CREB1: variants seen among roughly 807,000 people sequenced by gnomAD.
CREB1 encodes the protein cAMP responsive element binding protein 1, also known as cyclic AMP-responsive element-binding protein 1.
CREB1 carries 2 observed loss-of-function variants against 42.0 expected under a neutral mutation model. The observed-to-expected ratio is 0.05, with a 90% confidence interval of 0.02 to 0.15. CREB1 has a LOEUF of 0.15. Ranked by LOEUF, CREB1 falls within the 10% of genes least tolerant of loss-of-function variation. The probability of loss-of-function intolerance (pLI) is 1.00; values close to 1 mark genes in which losing one functional copy is unlikely to be tolerated. For missense variants in CREB1, 199 were observed against 388.9 expected, an observed-to-expected ratio of 0.51 and a Z score of 4.11; for synonymous variants, 123 against 139.9, an observed-to-expected ratio of 0.88 and a Z score of 0.85.
chr2:207,601,459 T>C lies in CREB1; in HGVS notation c.*4401T>C, dbSNP rs2087037959. On this transcript the variant is annotated 3_prime_UTR_variant, in exon 8 of 8. Transcript: ENST00000353267. Reference sequence around the variant, plus strand: ...AAAACATCAGGAAATTAGATATGACTAGCCCAGTTAATTAAAAGACGGGCT... The same window carrying C: ...AAAACATCAGGAAATTAGATATGACCAGCCCAGTTAATTAAAAGACGGGCT... 1 of 191,624 alleles carries C rather than the reference T, an allele frequency of 5.2e-6. No homozygotes were observed. Among genetic ancestry groups the C allele is most frequent in the African/African-American group, 2.3e-5 (1 of 43,192 alleles). The allele number at this position is 191,624 out of a possible 1,614,324, so 11.9% of individuals were successfully genotyped here. A position where few individuals can be genotyped will look rare whatever the true frequency, so the allele number is the denominator to read the frequency against.
At chr2:207,540,363 G>C (rs1038433763) in intron 1 of CREB1, among the ~76,000 whole-genome samples, 12 of 151,984 alleles carry the variant, frequency 7.9e-5, no homozygotes, top group African/African-American at 2.9e-4. Flanking sequence ...AAAAGTGGCC[G>C]GGAATGGTGG....
chr2:207,550,121 A>G (rs1228875442), intron 1 of CREB1: 6 of 152,212 alleles, frequency 3.9e-5, no homozygotes, highest in African/African-American at 1.4e-4. Flanking sequence ...ATTTTTAGTT[A>G]ACATATCTGA....
At chr2:207,540,451 G>A (rs1205765950) in intron 1 of CREB1, among the ~76,000 whole-genome samples, 1 of 151,904 alleles carries the variant, frequency 6.6e-6, no homozygotes, top group African/African-American at 2.4e-5. Context: ...AGCAGCCTGG[G>A]CAAAATGGCG....
chr2:207,567,425 A>T, intron 3 of CREB1, 38 bp from the exon 4 acceptor site: 1 of 1,459,646 alleles, frequency 6.9e-7, no homozygotes, highest in Non-Finnish European at 9.5e-7. Context: ...ACAGGAACTA[A>T]ATTTGATTAT....
At chr2:207,573,329 G>T (rs1220622328) in intron 5 of CREB1, among the ~76,000 whole-genome samples, 3 of 152,212 alleles carry the variant, frequency 2.0e-5, no homozygotes, top group Non-Finnish European at 2.9e-5. Context: ...TTAGACTTCA[G>T]TTTCCAAAGT....
At chr2:207,564,965 T>A (rs1339212450) in intron 3 of CREB1, among the ~76,000 whole-genome samples, 1 of 152,150 alleles carries the variant, frequency 6.6e-6, no homozygotes, top group East Asian at 1.9e-4. Flanking sequence ...TCATATGATG[T>A]TTTTATTCTG....
rs183483414 is a variant in CREB1, at chr2:207,558,689, G to A, written c.115-1537G>A. 1.4e-3 allele frequency among the ~76,000 whole-genome samples: 210 copies of A among 148,454 alleles called. 1 individual carries two copies. The highest frequency in any genetic ancestry group is 4.9e-3 in the African/African-American group (197 of 40,100). ...GATGGAGTTTTGTTCTTATTGCCCA[G>A]GCTGGAGTGCAATGGCGCGATCTCG... On this transcript the variant is annotated intron_variant, in intron 2 of 7. Transcript: ENST00000353267.
chr2:207,584,376 T>G (rs760870510), intron 7 of CREB1, among the ~76,000 whole-genome samples: 2 of 152,200 alleles, frequency 1.3e-5, no homozygotes, highest in Non-Finnish European at 2.9e-5. Flanking sequence ...ATGGATATCT[T>G]ATGGTTTTAA....
intron 6 of CREB1, 141 bp from the exon 7 acceptor site, chr2:207,577,360 ATTCT>A: frequency 8.4e-7 from 1 of 1,188,138 alleles, no homozygotes; most frequent in South Asian, 1.6e-5. Context: ...AAGAGTGCTG[ATTCT>A]TTCAACGCTT....
chr2:207,555,921 T>C (rs1432104062), intron 2 of CREB1, among the ~76,000 whole-genome samples, 172 bp downstream of exon 2: 2 of 152,194 alleles, frequency 1.3e-5, no homozygotes, highest in Non-Finnish European at 2.9e-5. Context: ...ATAGTATTAA[T>C]TCAATAACAG....
chr2:207,585,779 C>G (rs1478043426), intron 7 of CREB1, among the ~76,000 whole-genome samples: 1 of 151,972 alleles, frequency 6.6e-6, no homozygotes, highest in Non-Finnish European at 1.5e-5. Context: ...AAAAAACAGT[C>G]GAGCAGAAAG....
rs751128285 is a variant in CREB1 at position 207,577,686 on chromosome 2, T to G, written c.839+31T>G. The G allele has an allele frequency of 2.5e-6, 4 of 1,610,166 alleles. No homozygotes were observed. In the East Asian group the frequency reaches 6.7e-5, roughly 27 times the overall value. ...AATACTGCATTTACTTAGATTGTTA[T>G]GTGTTAAGTGTGTCTTCACATTCTG... On this transcript the variant is annotated intron_variant, in intron 7 of 7. Coordinates refer to ENST00000353267, the MANE Select transcript of CREB1 (RefSeq NM_004379.5).
At chr2:207,563,073 A>T (rs370011006) in intron 3 of CREB1, among the ~76,000 whole-genome samples, 4 of 152,194 alleles carry the variant, frequency 2.6e-5, no homozygotes, top group African/African-American at 9.6e-5. Flanking sequence ...ATGGAGAATG[A>T]TGTGGAGGGA....
intron 7 of CREB1, among the ~76,000 whole-genome samples, chr2:207,587,565 TAAAG>T (rs1051797040): frequency 2.6e-5 from 4 of 151,990 alleles, no homozygotes; most frequent in South Asian, 2.1e-4. Flanking sequence ...TATGAATGGA[TAAAG>T]AAAATTGCAG....
intron 1 of CREB1, among the ~76,000 whole-genome samples, chr2:207,553,091 T>C (rs1163825520): frequency 1.8e-5 from 2 of 108,960 alleles, no homozygotes; most frequent in African/African-American, 3.5e-5. Context: ...TTTTTTGAGA[T>C]GGAGTGTCAC....
chr2:207,567,715 G>A (rs1443848675), intron 4 of CREB1, 152 bp downstream of exon 4: 1 of 499,798 alleles, frequency 2.0e-6, no homozygotes, highest in Non-Finnish European at 3.6e-6. Context: ...TAAAGTGGAA[G>A]CTTATCCTAC....
At chr2:207,533,630 G>A (rs567407741) in intron 1 of CREB1, among the ~76,000 whole-genome samples, 4 of 152,232 alleles carry the variant, frequency 2.6e-5, no homozygotes, top group Admixed American at 6.5e-5. Flanking sequence ...GTGTAACTTT[G>A]ATGGCTTCTT....
intron 1 of CREB1, among the ~76,000 whole-genome samples, chr2:207,552,123 A>G (rs184812575): frequency 6.6e-6 from 1 of 151,926 alleles, no homozygotes; most frequent in East Asian, 1.9e-4. Context: ...GAATGAAATG[A>G]TAATAAAACA....
rs13398837 is a variant in CREB1, at chr2:207,571,895, T to G, written c.505+1574T>G. ...ACCAGCACCCCCATAGATGTTTAAT[T>G]TGGTACACTCGTCTCCTCCAGCAGC... On this transcript the variant is annotated intron_variant, in intron 5 of 7. Coordinates refer to ENST00000353267, the MANE Select transcript of CREB1 (RefSeq NM_004379.5). 4.3e-3 allele frequency: 1,428 copies of G among 328,356 alleles called. 21 individuals carry two copies. The highest frequency in any genetic ancestry group is 0.028 in the African/African-American group (1,275 of 45,392). The allele number at this position is 328,356 out of a possible 1,614,324, so 20.3% of individuals were successfully genotyped here.
Sources: gnomAD v4.1 joint callset for allele counts (sites outside exome capture counted in the v4.1 genomes callset) on GRCh38, gnomAD v4.1.1 for gene constraint, MANE v1.5 for transcripts, NCBI Gene and HGNC (gene_info 2026-07-23, HGNC 2026-07-21) for gene names.